The following UTP6 variants were observed in gnomAD, a reference collection of about 807,000 sequenced individuals.
UTP6 encodes the protein UTP6 small subunit processome component, also known as U3 small nucleolar RNA-associated protein 6 homolog.
Under a neutral mutation model 96.5 loss-of-function variants are expected in UTP6, and 60 were observed. That is an observed-to-expected ratio of 0.62 (90% CI 0.51 to 0.77). The LOEUF (loss-of-function observed/expected upper bound fraction) is 0.77. Among genes scored for constraint, UTP6 ranks in the 30% least tolerant of loss-of-function variants. UTP6 has a pLI of 0.00. For synonymous variants in UTP6, 215 were observed against 240.1 expected (o/e 0.90, Z 0.96); for missense variants, 637 against 706.5 (o/e 0.90, Z 1.12).
intron 16 of UTP6, among the ~76,000 whole-genome samples, chr17:31,868,335 T>TTG (rs1466707966): frequency 2.1e-5 from 3 of 145,378 alleles, no homozygotes; most frequent in East Asian, 2.0e-4. Context: ...GTTTTTTTTT[T>TTG]TTTTTTTTTT....
intron 7 of UTP6, chr17:31,888,320 A>C (rs1911270170): frequency 6.6e-6 from 1 of 152,210 alleles, no homozygotes; most frequent in African/African-American, 2.4e-5. Flanking sequence ...AAAATGTTAG[A>C]GTCTAGTTCC....
chr17:31,883,216 A>G (rs935631585), intron 10 of UTP6, among the ~76,000 whole-genome samples: 4 of 152,030 alleles, frequency 2.6e-5, no homozygotes, highest in African/African-American at 9.7e-5. Context: ...AAATAAAAAG[A>G]ATAAAATTAC....
At chr17:31,892,632 G>C (rs752359890) in intron 5 of UTP6, 115 bp downstream of exon 5, 2 of 1,230,018 alleles carry the variant, frequency 1.6e-6, no homozygotes, top group East Asian at 2.4e-5. Context: ...CGCCTTCTTG[G>C]GTTCTTTTTT....
intron 10 of UTP6, 21 bp downstream of exon 10, chr17:31,884,403 C>T: frequency 1.3e-6 from 2 of 1,574,316 alleles, no homozygotes; most frequent in Non-Finnish European, 1.7e-6. Context: ...ATATATTCAC[C>T]TTTCTACTAA....
intron 8 of UTP6, 88 bp from the exon 9 acceptor site, chr17:31,886,149 TG>T: frequency 1.9e-6 from 2 of 1,075,694 alleles, no homozygotes; most frequent in Non-Finnish European, 2.8e-6. Flanking sequence ...AGACTACCTG[TG>T]CCATATGACC....
At position 31,863,160 on chromosome 17, in the gene UTP6, G is replaced by A; in HGVS notation, c.*199C>T. 1.7e-6 allele frequency: 1 copy of A among 573,940 alleles called. No individual in the cohort carries two copies. Among genetic ancestry groups the A allele is most frequent in the Non-Finnish European group, 3.0e-6 (1 of 332,990 alleles). 35.6% of individuals were successfully genotyped at this position (573,940 alleles called of 1,614,324 possible). A position where few individuals can be genotyped will look rare whatever the true frequency, so the allele number is the denominator to read the frequency against. On this transcript the variant is annotated 3_prime_UTR_variant, in exon 19 of 19. Transcript: ENST00000261708. ...GTTCAAGACCAGCCAGGGCAACAGA[G>A]CAAGACCCAGTCTCAATCATAAAAA...
rs1207091160 is a variant in UTP6, at chr17:31,872,608, C to T, written c.1496+770G>A. Among the ~76,000 whole-genome samples the T allele has an allele frequency of 2.0e-5, 3 of 150,960 alleles. No individual in the cohort carries two copies. The East Asian group carries it at 6.0e-4, about 30-fold the overall frequency. On this transcript the variant is annotated intron_variant, in intron 16 of 18. Coordinates refer to ENST00000261708, the MANE Select transcript of UTP6 (RefSeq NM_018428.3). ...GGCGGACTGCTTGAGCCCAGAAGGT[C>T]AAGGCTTCGGTGAACCATGATTGTG...
intron 18 of UTP6, 51 bp downstream of exon 18, chr17:31,865,315 G>GA (rs1343538249): frequency 6.3e-7 from 1 of 1,588,116 alleles, no homozygotes; most frequent in South Asian, 1.1e-5. Flanking sequence ...ACTCAGCCAA[G>GA]AAACACTGTT....
At chr17:31,884,009 T>TC (rs1368847796) in intron 10 of UTP6, among the ~76,000 whole-genome samples, 20 of 150,930 alleles carry the variant, frequency 1.3e-4, no homozygotes, top group Non-Finnish European at 2.5e-4. Flanking sequence ...TTAATTTTTT[T>TC]TTTTTTTTGA....
rs1170144645 is a variant in UTP6 at position 31,883,368 on chromosome 17, T to C, written c.785+1056A>G. ...TTTGCTCTTGTTTCCCAGGCTGGAG[T>C]GCAATGGCACAATCTTGGCTCACTG... On this transcript the variant is annotated intron_variant, in intron 10 of 18. Transcript: ENST00000261708. Among the ~76,000 whole-genome samples the C allele has an allele frequency of 3.3e-5, 5 of 150,208 alleles. No individual in the cohort carries two copies. The East Asian group carries it at 7.8e-4, about 24-fold the overall frequency.
chr17:31,868,619 C>T (rs1472811860), intron 16 of UTP6, among the ~76,000 whole-genome samples: 2 of 152,048 alleles, frequency 1.3e-5, no homozygotes, highest in Non-Finnish European at 2.9e-5. Context: ...GCATGCACCA[C>T]CATGCCTGGT....
intron 2 of UTP6, among the ~76,000 whole-genome samples, chr17:31,899,381 T>C (rs1312336156): frequency 1.3e-5 from 2 of 152,120 alleles, no homozygotes; most frequent in Non-Finnish European, 2.9e-5. Flanking sequence ...CCAAGGTGGG[T>C]GGATCCCTTG....
At chr17:31,886,193 T>G in intron 8 of UTP6, 132 bp from the exon 9 acceptor site, 3 of 654,836 alleles carry the variant, frequency 4.6e-6, no homozygotes, top group East Asian at 2.8e-5. Flanking sequence ...TCCGGGCCAG[T>G]TCCCTCACTT....
intron 10 of UTP6, among the ~76,000 whole-genome samples, chr17:31,883,826 A>G (rs1203773509): frequency 6.6e-6 from 1 of 151,312 alleles, no homozygotes; most frequent in Non-Finnish European, 1.5e-5. Flanking sequence ...ACAGGCATGC[A>G]CCACCACACC....
chr17:31,882,184 C>A (rs938799673), intron 10 of UTP6, among the ~76,000 whole-genome samples: 2 of 149,558 alleles, frequency 1.3e-5, no homozygotes, highest in Admixed American at 6.7e-5. Flanking sequence ...GCATGTGACA[C>A]CACACCCAGC....
intron 6 of UTP6, among the ~76,000 whole-genome samples, chr17:31,891,117 C>T (rs1408080482): frequency 6.6e-6 from 1 of 152,196 alleles, no homozygotes; most frequent in Non-Finnish European, 1.5e-5. Context: ...GGTCACCTAT[C>T]TTATCAAGAT....
chr17:31,893,412 C>T (rs1904444920), intron 4 of UTP6, among the ~76,000 whole-genome samples: 1 of 127,196 alleles, frequency 7.9e-6, no homozygotes, highest in Non-Finnish European at 1.6e-5. Flanking sequence ...ACCTGGGTGA[C>T]AGAGCAAGAC....
intron 16 of UTP6, among the ~76,000 whole-genome samples, chr17:31,869,207 C>G (rs1359771084): frequency 6.6e-6 from 1 of 152,176 alleles, no homozygotes; most frequent in Non-Finnish European, 1.5e-5. Flanking sequence ...CTCCCTCTGT[C>G]ACCCAGGCTG....
At chr17:31,897,927 G>T (rs925913011) in intron 2 of UTP6, among the ~76,000 whole-genome samples, 2 of 152,100 alleles carry the variant, frequency 1.3e-5, no homozygotes, top group Non-Finnish European at 1.5e-5. Context: ...CTCTTTCCAA[G>T]TGGACAGACA....
Sources: gnomAD v4.1 joint callset for allele counts (sites outside exome capture counted in the v4.1 genomes callset) on GRCh38, gnomAD v4.1.1 for gene constraint, MANE v1.5 for transcripts, NCBI Gene and HGNC (gene_info 2026-07-23, HGNC 2026-07-21) for gene names.